Variants in CHAT observed in about 807,000 individuals in gnomAD.
CHAT encodes the protein choline O-acetyltransferase, also known as acetyl CoA:choline O-acetyltransferase.
CHAT carries 61 observed loss-of-function variants against 76.9 expected under a neutral mutation model. That is an observed-to-expected ratio of 0.79 (90% CI 0.65 to 0.98). The LOEUF (loss-of-function observed/expected upper bound fraction) is 0.98. Among genes scored for constraint, CHAT ranks in the 50% least tolerant of loss-of-function variants. CHAT has a pLI of 0.00. For synonymous variants in CHAT, 407 were observed against 397.4 expected, an observed-to-expected ratio of 1.02 and a Z score of -0.29; for missense variants, 946 against 986.9, an observed-to-expected ratio of 0.96 and a Z score of 0.56.
chr10:49,639,315 A>G (rs188643465), intron 7 of CHAT, among the ~76,000 whole-genome samples: 539 of 152,214 alleles, frequency 3.5e-3, no homozygotes, highest in Middle Eastern at 6.8e-3. Context: ...CTTGGCATAA[A>G]TTCTCTTAGT....
chr10:49,639,175 A>C (rs1839393294), intron 7 of CHAT, among the ~76,000 whole-genome samples: 1 of 152,182 alleles, frequency 6.6e-6, no homozygotes, highest in East Asian at 1.9e-4. Context: ...CGGAAGTTGC[A>C]GTGAGCCGAG....
In CHAT at chr10:49,616,558, G is replaced by T; in HGVS notation, c.343G>T (p.Val115Phe). The T allele has an allele frequency of 6.2e-7, 1 of 1,613,180 alleles. No homozygotes were observed. The highest frequency in any genetic ancestry group is 8.5e-7 in the Non-Finnish European group (1 of 1,179,544). Residue 115 changes from valine (V) to phenylalanine (F), a missense_variant, in exon 2 of 15, where the codon GTC becomes TTC. Val to Phe is a conservative substitution (Grantham distance 50). Around this residue, in one of 3 missense-constraint regions of CHAT, gnomAD observed 548 missense variants for 516.2 expected, o/e 1.06. Transcript: ENST00000337653. ...CACCAAGACGCCCATCCTGGAAAAG[G>T]TCCCCCGTAAGATGGCAGCAAAAAC... ...GLTKTPILEK[V>F]PRKMAAKTPS...
At chr10:49,610,649 T>TC (rs1189283440), upstream of CHAT, 11 of 1,305,560 alleles carry the variant, frequency 8.4e-6, no homozygotes, top group East Asian at 2.7e-4. Flanking sequence ...CAGGACAGCC[T>TC]CCCCGAAGTC....
At chr10:49,620,423 G>GAT in intron 3 of CHAT, 72 bp from the exon 4 acceptor site, 1 of 1,028,396 alleles carries the variant, frequency 9.7e-7, no homozygotes, top group Non-Finnish European at 1.5e-6. Context: ...GAAGTGTCCC[G>GAT]ATTTTCTCTC....
intron 4 of CHAT, 39 bp from the exon 5 acceptor site, chr10:49,622,058 C>T: frequency 1.4e-6 from 1 of 718,352 alleles, no homozygotes; most frequent in East Asian, 6.6e-5. Flanking sequence ...GGAAGCCAGG[C>T]CCTGGGAGGA....
chr10:49,617,584 T>C (rs1838544443), intron 2 of CHAT, among the ~76,000 whole-genome samples: 1 of 152,228 alleles, frequency 6.6e-6, no homozygotes, highest in Admixed American at 6.5e-5. Context: ...GCTGATTCCC[T>C]GTTAGCCAGG....
At chr10:49,623,852 A>G (rs1838821651) in intron 5 of CHAT, among the ~76,000 whole-genome samples, 1 of 151,856 alleles carries the variant, frequency 6.6e-6, no homozygotes, top group African/African-American at 2.4e-5. Flanking sequence ...CTCCCTCCCC[A>G]CTGTGTCCCC....
At chr10:49,648,377 A>G in intron 8 of CHAT, 130 bp from the exon 9 acceptor site, 1 of 714,584 alleles carries the variant, frequency 1.4e-6, no homozygotes, top group Non-Finnish European at 2.5e-6. Flanking sequence ...TGTTCTCTTC[A>G]GGAAATAATG....
At chr10:49,628,675 G>A (rs1178160443) in intron 7 of CHAT, among the ~76,000 whole-genome samples, 4 of 152,246 alleles carry the variant, frequency 2.6e-5, no homozygotes, top group Non-Finnish European at 5.9e-5. Context: ...CAGGACTTCA[G>A]AGAGGGGACG....
At chr10:49,646,477 G>A (rs761166098) in intron 7 of CHAT, 28 bp from the exon 8 acceptor site, 1 of 1,613,652 alleles carries the variant, frequency 6.2e-7, no homozygotes, top group African/African-American at 1.3e-5. Flanking sequence ...CGGGACAGGT[G>A]CTAGGGCTGT....
chr10:49,626,347 C>T (rs949207947), intron 6 of CHAT, among the ~76,000 whole-genome samples: 2 of 152,222 alleles, frequency 1.3e-5, no homozygotes, highest in Non-Finnish European at 2.9e-5. Flanking sequence ...ATATATTGAG[C>T]TTCACATAAA....
intron 2 of CHAT, among the ~76,000 whole-genome samples, chr10:49,617,739 C>G (rs1046115471): frequency 2.0e-5 from 3 of 151,914 alleles, no homozygotes; most frequent in African/African-American, 7.3e-5. Context: ...CACAGACCAC[C>G]CCCCCCACCG....
In CHAT at chr10:49,665,221, C is replaced by T; in HGVS notation, c.*175C>T. Reference sequence around the variant, plus strand: ...GAGTGTTAGGAGGAAAGGGTCCCCTCTTCATGCATGGGAATCATCATTTTC... The same window carrying T: ...GAGTGTTAGGAGGAAAGGGTCCCCTTTTCATGCATGGGAATCATCATTTTC... On this transcript the variant is annotated 3_prime_UTR_variant, in exon 15 of 15. Transcript: ENST00000337653. 1.4e-6 allele frequency: 1 copy of T among 722,804 alleles called. No homozygotes were observed. Among genetic ancestry groups the T allele is most frequent in the South Asian group, 1.6e-5 (1 of 62,234 alleles). 44.8% of individuals were successfully genotyped at this position (722,804 alleles called of 1,614,324 possible).
Position 49,633,779 on chromosome 10 carries a change from G to A in CHAT, c.1111+5994G>A, listed in dbSNP as rs528189780. Among the ~76,000 whole-genome samples the A allele has an allele frequency of 1.1e-3, 164 of 152,334 alleles. 1 individual carries two copies. The highest frequency in any genetic ancestry group is 3.3e-3 in the South Asian group (16 of 4,828). ...CCCTCTGGCTTTCCTGGGTGCTGCC[G>A]TGAAGAGCCTGTGACCAGACCTCAG... On this transcript the variant is annotated intron_variant, in intron 7 of 14. Transcript: ENST00000337653.
At chr10:49,622,178 C>G (rs1041756122) in intron 5 of CHAT, 28 bp downstream of exon 5, 1 of 1,609,800 alleles carries the variant, frequency 6.2e-7, no homozygotes, top group Non-Finnish European at 8.5e-7. Flanking sequence ...GTGCCCTGTT[C>G]CAGCACAGTC....
At chr10:49,620,377 C>T in intron 3 of CHAT, 118 bp from the exon 4 acceptor site, 1 of 796,542 alleles carries the variant, frequency 1.3e-6, no homozygotes, top group Non-Finnish European at 2.2e-6. Context: ...TGGGGCTTAG[C>T]ATATATTTGT....
chr10:49,624,310 C>A (rs571444947), intron 5 of CHAT, among the ~76,000 whole-genome samples: 10 of 152,338 alleles, frequency 6.6e-5, no homozygotes, highest in Admixed American at 5.2e-4. Flanking sequence ...CAGGATTCAA[C>A]AGACATAAAA....
Position 49,640,733 on chromosome 10 carries a change from C to T in CHAT, c.1112-5772C>T, listed in dbSNP as rs556695003. Among the ~76,000 whole-genome samples, 86 of 152,218 alleles carry T rather than the reference C, an allele frequency of 5.6e-4. 4 individuals are homozygous for T. In the South Asian group the frequency reaches 0.016, roughly 29 times the overall value. On this transcript the variant is annotated intron_variant, in intron 7 of 14. Coordinates refer to ENST00000337653, the MANE Select transcript of CHAT (RefSeq NM_020549.5). ...GGTGCTGGGGGAGGGAGGGATGACA[C>T]GGTTTTTCTCTGTGGTGTTTGGCTG... is the stretch of plus-strand genomic sequence containing the variant.
Position 49,649,587 on chromosome 10 carries a change from T to C in CHAT, c.1462T>C (p.Ser488Pro). 5 of 1,613,798 alleles carry C rather than the reference T, an allele frequency of 3.1e-6. No homozygotes were observed. The highest frequency in any genetic ancestry group is 4.2e-6 in the Non-Finnish European group (5 of 1,180,020). ...CCCCCGGAGGCTGCGGTGGAAATGCTCCCCGGAAATTCAAGGCCACTTAGC... is the reference window on the plus strand; with the variant it reads ...CCCCCGGAGGCTGCGGTGGAAATGCCCCCCGGAAATTCAAGGCCACTTAGC... Reference protein sequence around the residue: ...PAPRRLRWKCSPEIQGHLASS... With the variant: ...PAPRRLRWKCPPEIQGHLASS... Residue 488 changes from serine to proline, a missense_variant, in exon 10 of 15, where the codon TCC becomes CCC. Physicochemically the swap from Ser to Pro is moderately conservative, Grantham distance 74. This residue lies in a region of CHAT where 349 missense variants were observed against 393.9 expected (regional missense o/e 0.89). Transcript: ENST00000337653.
Sources: gnomAD v4.1 joint callset for allele counts (sites outside exome capture counted in the v4.1 genomes callset) on GRCh38, gnomAD v4.1.1 for gene constraint, gnomAD v4.1.1 regional missense constraint, MANE v1.5 for transcripts, NCBI Gene and HGNC (gene_info 2026-07-23, HGNC 2026-07-21) for gene names.